The following ZNF516 variants were observed in gnomAD, a reference collection of about 807,000 sequenced individuals.
ZNF516 encodes the protein zinc finger protein 516.
Under a neutral mutation model 79.7 loss-of-function variants are expected in ZNF516, and 19 were observed. The ratio of observed to expected loss-of-function variants is 0.24; its 90% confidence interval spans 0.17 to 0.35. The LOEUF (loss-of-function observed/expected upper bound fraction) is 0.35, where lower values mean the gene tolerates loss of function less well. Ranked by LOEUF, ZNF516 falls within the 10% of genes least tolerant of loss-of-function variation. ZNF516 has a pLI of 1.00. For synonymous variants in ZNF516, 877 were observed against 739.5 expected (o/e 1.19, Z -3.02); for missense variants, 1,678 against 1,679.5 (o/e 1.00, Z 0.02).
chr18:76,492,225 T>C (rs1660220212), intron 1 of ZNF516: 2 of 985,352 alleles, frequency 2.0e-6, no homozygotes, highest in African/African-American at 3.5e-5. Flanking sequence ...TCTCCAACAT[T>C]TACACGGAGA....
intron 2 of ZNF516, among the ~76,000 whole-genome samples, chr18:76,452,437 A>C (rs1912471145): frequency 6.6e-6 from 1 of 152,200 alleles, no homozygotes; most frequent in Admixed American, 6.5e-5. Flanking sequence ...GTCCGTAATA[A>C]GGCTTTAGTA....
At position 76,441,717 on chromosome 18, in the gene ZNF516, G is replaced by A. The variant is rs1407901701; in HGVS notation, c.1338C>T (p.Asp446=). ...CGCGCCTGTCCTTGTCGAAGGCCAC[G>A]TCCCCGGCCAGCGCCTCGTCCCAGG... is the stretch of plus-strand genomic sequence containing the variant. ...YGAWDEALAG[D]VAFDKDRREY... is the part of the protein sequence containing the mutation. The change falls in exon 3 of 7, where the codon GAC becomes GAT. Residue 446 remains aspartate, a synonymous_variant. Transcript: ENST00000443185. 8 of 1,573,352 alleles carry A rather than the reference G, an allele frequency of 5.1e-6. No individual in the cohort carries two copies. Among genetic ancestry groups the A allele is most frequent in the Admixed American group, 1.8e-5 (1 of 56,244 alleles).
intron 3 of ZNF516, among the ~76,000 whole-genome samples, chr18:76,397,838 A>G (rs1418970499): frequency 6.6e-6 from 1 of 152,048 alleles, no homozygotes; most frequent in Admixed American, 6.6e-5. Flanking sequence ...GGCTCAAGTG[A>G]TCCTCCCTGG....
chr18:76,441,948 G>C lies in ZNF516; in HGVS notation c.1107C>G (p.Ala369=), dbSNP rs369604123. The C allele has an allele frequency of 1.9e-6, 3 of 1,611,328 alleles. No homozygotes were observed. In the African/African-American group the frequency reaches 4.0e-5, roughly 21 times the overall value. The change falls in exon 3 of 7, where the codon GCC becomes GCG. Residue 369 remains alanine, a synonymous_variant. Transcript: ENST00000443185. ...RVEASRTRAP[A]EEGAEGPSDT... ...CCGAGGGCCCCTCCGCCCCCTCCTC[G>C]GCCGGGGCGCGCGTGCGGCTGGCCT...
intron 2 of ZNF516, among the ~76,000 whole-genome samples, chr18:76,454,256 C>G (rs752509557): frequency 6.6e-6 from 1 of 152,138 alleles, no homozygotes; most frequent in Non-Finnish European, 1.5e-5. Context: ...TCAATTTTAC[C>G]AAATTCTAAG....
At chr18:76,424,412 C>G (rs1364785075) in intron 3 of ZNF516, among the ~76,000 whole-genome samples, 1 of 137,976 alleles carries the variant, frequency 7.2e-6, no homozygotes. Flanking sequence ...GGTGAAAAGG[C>G]TCCCTCCTGA....
At chr18:76,448,514 ACTT>A (rs1170961516) in intron 2 of ZNF516, among the ~76,000 whole-genome samples, 13 of 152,322 alleles carry the variant, frequency 8.5e-5, no homozygotes, top group Admixed American at 7.2e-4. Flanking sequence ...CACTACAGAA[ACTT>A]CTTTAGAAAC....
intron 1 of ZNF516, among the ~76,000 whole-genome samples, chr18:76,466,978 G>A (rs1913513261): frequency 6.6e-6 from 1 of 152,218 alleles, no homozygotes; most frequent in African/African-American, 2.4e-5. Context: ...ACCACCCAGA[G>A]GTGCAGGCAA....
chr18:76,378,787 C>A, intron 4 of ZNF516, 68 bp downstream of exon 4: 1 of 1,547,318 alleles, frequency 6.5e-7, no homozygotes, highest in Non-Finnish European at 8.7e-7. Flanking sequence ...GCGCAGCAGC[C>A]CTGGCCCTCC....
rs1487199432 is a variant in ZNF516, at chr18:76,370,518, T to C, written c.3432+10A>G. ...CGAAACCCAGACATCCAATTCATCA[T>C]GAGACCTACTTGTTTGGGGGCGTCT... On this transcript the variant is annotated intron_variant, in intron 6 of 6. Coordinates refer to ENST00000443185, the MANE Select transcript of ZNF516 (RefSeq NM_014643.4). 2 of 1,597,542 alleles carry C rather than the reference T, an allele frequency of 1.3e-6. No individual in the cohort carries two copies. Among genetic ancestry groups the C allele is most frequent in the South Asian group, 1.1e-5 (1 of 88,846 alleles).
chr18:76,370,736 T>C, intron 5 of ZNF516, 141 bp from the exon 6 acceptor site: 1 of 654,686 alleles, frequency 1.5e-6, no homozygotes, highest in Non-Finnish European at 2.4e-6. Flanking sequence ...CAATTTACCG[T>C]AACACTTACA....
At chr18:76,392,596 G>A (rs914330058) in intron 3 of ZNF516, among the ~76,000 whole-genome samples, 2 of 143,848 alleles carry the variant, frequency 1.4e-5, no homozygotes, top group Non-Finnish European at 3.0e-5. Flanking sequence ...GTGGCCGGGT[G>A]GGGGAAGGGC....
chr18:76,367,885 T>C (rs689632), intron 6 of ZNF516, among the ~76,000 whole-genome samples: 17,043 of 152,226 alleles, frequency 0.11, 2,598 homozygotes, highest in African/African-American at 0.35. Context: ...TAATGTAGCA[T>C]CTATTATGTA....
At chr18:76,403,813 A>G (rs998439897) in intron 3 of ZNF516, among the ~76,000 whole-genome samples, 1 of 152,218 alleles carries the variant, frequency 6.6e-6, no homozygotes, top group Non-Finnish European at 1.5e-5. Context: ...CATGATCTAT[A>G]TGATGTATTC....
chr18:76,466,855 T>TC (rs1331178528), intron 1 of ZNF516, among the ~76,000 whole-genome samples: 1 of 152,164 alleles, frequency 6.6e-6, no homozygotes, highest in Non-Finnish European at 1.5e-5. Flanking sequence ...CACCAGGGTA[T>TC]CACCAGGACC....
At chr18:76,415,442 A>G (rs2075421179) in intron 3 of ZNF516, among the ~76,000 whole-genome samples, 1 of 152,130 alleles carries the variant, frequency 6.6e-6, no homozygotes, top group South Asian at 2.1e-4. Context: ...CACTAAGTGC[A>G]CGCCTCTGAG....
rs755044329 is a variant in ZNF516 at position 76,379,179 on chromosome 18, T to C, written c.2935A>G (p.Ser979Gly). The change falls in exon 4 of 7, where the codon AGT becomes GGT. Residue 979 changes from serine to glycine, a missense_variant. Transcript: ENST00000443185. Reference protein sequence around the residue: ...SAPDSLKAKFSAQPQGPPPAK... With the variant: ...SAPDSLKAKFGAQPQGPPPAK... ...GGAGGTGGACCCTGAGGCTGAGCAC[T>C]GAATTTGGCTTTCAGGGAGTCCGGG... is the stretch of plus-strand genomic sequence containing the variant. The C allele has an allele frequency of 6.2e-7, 1 of 1,612,872 alleles. No individual in the cohort carries two copies. The highest frequency in any genetic ancestry group is 1.7e-5 in the Admixed American group (1 of 60,026).
At chr18:76,431,377 C>T (rs114573775) in intron 3 of ZNF516, among the ~76,000 whole-genome samples, 3,115 of 152,256 alleles carry the variant, frequency 0.02, 58 homozygotes, top group African/African-American at 0.047. Context: ...AAGAATGATG[C>T]AAATCAAATG....
chr18:76,480,488 T>TAC (rs139552059), intron 1 of ZNF516, among the ~76,000 whole-genome samples: 102 of 138,934 alleles, frequency 7.3e-4, no homozygotes, highest in African/African-American at 2.7e-3. Flanking sequence ...CACACACATA[T>TAC]ACACATACAC....
Sources: gnomAD v4.1 joint callset for allele counts (sites outside exome capture counted in the v4.1 genomes callset) on GRCh38, gnomAD v4.1.1 for gene constraint, MANE v1.5 for transcripts, NCBI Gene and HGNC (gene_info 2026-07-23, HGNC 2026-07-21) for gene names.